SLC24A2: variants seen among roughly 807,000 people sequenced by gnomAD.
SLC24A2 encodes solute carrier family 24 member 2.
SLC24A2 carries 36 observed loss-of-function variants against 62.0 expected under a neutral mutation model. That is an observed-to-expected ratio of 0.58 (90% confidence interval 0.44 to 0.77). The LOEUF (loss-of-function observed/expected upper bound fraction) is 0.77, where lower values mean the gene tolerates loss of function less well. Ranked by LOEUF, SLC24A2 falls within the 30% of genes least tolerant of loss-of-function variation. SLC24A2 has a pLI of 0.00. For missense variants in SLC24A2, 846 were observed against 817.9 expected (o/e 1.03, Z -0.42); for synonymous variants, 358 against 294.0 (o/e 1.22, Z -2.23).
chr9:19,654,385 A>G (rs1818884602), intron 2 of SLC24A2, among the ~76,000 whole-genome samples: 2 of 152,104 alleles, frequency 1.3e-5, no homozygotes, highest in Non-Finnish European at 2.9e-5. Context: ...CCTAAACCAC[A>G]GCCTTTTCTC....
At chr9:20,207,429 T>G in the SLC24A2 span, among the ~76,000 whole-genome samples, 1 of 152,212 alleles carries the variant, frequency 6.6e-6, no homozygotes, top group African/African-American at 2.4e-5. Flanking sequence ...GTTCATTCAC[T>G]CACACACTCT....
the SLC24A2 span, among the ~76,000 whole-genome samples, chr9:19,820,777 A>G: frequency 6.6e-6 from 1 of 151,896 alleles, no homozygotes; most frequent in Non-Finnish European, 1.5e-5. Context: ...TTATGTGATC[A>G]GAAGAAGGCC....
the SLC24A2 span, among the ~76,000 whole-genome samples, chr9:20,112,503 T>TG: frequency 0.11 from 17,287 of 152,182 alleles, 1,032 homozygotes; most frequent in Middle Eastern, 0.18. Flanking sequence ...TTGCACCAGG[T>TG]TTCTTGAAAA....
chr9:19,958,392 C>A, the SLC24A2 span, among the ~76,000 whole-genome samples: 1 of 152,194 alleles, frequency 6.6e-6, no homozygotes. Context: ...AAAGTCCACA[C>A]AGAGGTCTGT....
intron 2 of SLC24A2, among the ~76,000 whole-genome samples, chr9:19,701,270 C>T (rs978950996): frequency 3.3e-5 from 5 of 152,196 alleles, no homozygotes; most frequent in South Asian, 2.1e-4. Context: ...CATATTGTAG[C>T]GGAATCCGCT....
chr9:20,142,468 T>C, the SLC24A2 span, among the ~76,000 whole-genome samples: 2 of 152,004 alleles, frequency 1.3e-5, no homozygotes, highest in Admixed American at 1.3e-4. Flanking sequence ...TTTTAAAAAA[T>C]TAATTTACAC....
chr9:19,948,705 C>T, the SLC24A2 span, among the ~76,000 whole-genome samples: 1 of 151,442 alleles, frequency 6.6e-6, no homozygotes, highest in African/African-American at 2.4e-5. Context: ...ATTAGCCGGG[C>T]GCAGTGGCGG....
At chr9:19,952,399 C>T in the SLC24A2 span, among the ~76,000 whole-genome samples, 6 of 151,958 alleles carry the variant, frequency 3.9e-5, no homozygotes, top group Admixed American at 2.0e-4. Flanking sequence ...TATAAAGCAT[C>T]GAGGCATTCA....
At chr9:20,227,370 T>TA in the SLC24A2 span, among the ~76,000 whole-genome samples, 2 of 152,122 alleles carry the variant, frequency 1.3e-5, no homozygotes, top group African/African-American at 2.4e-5. Flanking sequence ...GGTCCACACT[T>TA]ACTTGCATCA....
At chr9:19,788,686 G>A in intron 1 of SLC24A2, 199 bp downstream of exon 1, 2 of 985,260 alleles carry the variant, frequency 2.0e-6, no homozygotes, top group Non-Finnish European at 2.4e-6. Flanking sequence ...AAAAGCAAGG[G>A]TAGGAGAGGC....
chr9:20,168,517 G>A, the SLC24A2 span, among the ~76,000 whole-genome samples: 1 of 151,608 alleles, frequency 6.6e-6, no homozygotes, highest in Non-Finnish European at 1.5e-5. Context: ...AAAAAAGGAA[G>A]TAATCCAATT....
At chr9:19,802,210 T>C in the SLC24A2 span, among the ~76,000 whole-genome samples, 1 of 152,200 alleles carries the variant, frequency 6.6e-6, no homozygotes, top group African/African-American at 2.4e-5. Context: ...TAGTAAACAA[T>C]GCAGATACGT....
In SLC24A2 at chr9:19,692,444, T is replaced by C. The variant is rs75259745; in HGVS notation, c.931-70145A>G. ...TGTTTGAAGATGGACTGTAATACCA[T>C]ACGACAAAATTGAAGCCACCTTATT... On this transcript the variant is annotated intron_variant, in intron 2 of 10. Coordinates refer to ENST00000341998, the MANE Select transcript of SLC24A2 (RefSeq NM_020344.4). Among the ~76,000 whole-genome samples, 297 of 152,278 alleles carry C rather than the reference T, an allele frequency of 2.0e-3. 1 individual carries two copies. The highest frequency in any genetic ancestry group is 6.5e-3 in the African/African-American group (271 of 41,576).
At chr9:20,170,339 G>C in the SLC24A2 span, among the ~76,000 whole-genome samples, 1 of 152,014 alleles carries the variant, frequency 6.6e-6, no homozygotes, top group Non-Finnish European at 1.5e-5. Context: ...CATCAACTAA[G>C]ATTGCAAGAG....
the SLC24A2 span, among the ~76,000 whole-genome samples, chr9:19,852,584 C>T: frequency 1.9e-4 from 29 of 152,244 alleles, no homozygotes; most frequent in Non-Finnish European, 3.8e-4. Flanking sequence ...GAAATCCTTT[C>T]CCCATTGCTT....
At chr9:19,998,068 C>T in the SLC24A2 span, among the ~76,000 whole-genome samples, 2 of 152,168 alleles carry the variant, frequency 1.3e-5, no homozygotes, top group African/African-American at 4.8e-5. Context: ...GCATCTCTCA[C>T]TATTTAGCAC....
chr9:19,708,441 TCAC>T (rs1439427043), intron 2 of SLC24A2, among the ~76,000 whole-genome samples: 1 of 152,128 alleles, frequency 6.6e-6, no homozygotes, highest in African/African-American at 2.4e-5. Flanking sequence ...AGAGCCTGCA[TCAC>T]CAAGTCAACC....
intron 2 of SLC24A2, among the ~76,000 whole-genome samples, chr9:19,649,774 A>G (rs1818746502): frequency 6.6e-6 from 1 of 152,268 alleles, no homozygotes; most frequent in South Asian, 2.1e-4. Flanking sequence ...TGGCACAGAA[A>G]GAACTTGTCC....
At chr9:20,021,376 C>T in the SLC24A2 span, among the ~76,000 whole-genome samples, 2 of 151,708 alleles carry the variant, frequency 1.3e-5, no homozygotes, top group East Asian at 1.9e-4. Context: ...TATATACACA[C>T]ATACATGTAT....
Sources: gnomAD v4.1 joint callset for allele counts (sites outside exome capture counted in the v4.1 genomes callset) on GRCh38, gnomAD v4.1.1 for gene constraint, MANE v1.5 for transcripts, NCBI Gene and HGNC (gene_info 2026-07-23, HGNC 2026-07-21) for gene names.